VWA2: variants seen among roughly 807,000 people sequenced by gnomAD.
VWA2 encodes von Willebrand factor A domain-containing protein 2.
In VWA2, 73 loss-of-function variants were observed where a neutral mutation model predicts 70.4. That is an observed-to-expected ratio of 1.04 (90% CI 0.86 to 1.26). The LOEUF (loss-of-function observed/expected upper bound fraction) is 1.26, where lower values mean the gene tolerates loss of function less well. Among genes scored for constraint, VWA2 ranks in the 50% most tolerant of loss-of-function variants. VWA2 has a pLI of 0.00. For missense variants in VWA2, 1,011 were observed against 998.5 expected (o/e 1.01, Z -0.17); for synonymous variants, 407 against 423.3 (o/e 0.96, Z 0.47).
intron 4 of VWA2, among the ~76,000 whole-genome samples, chr10:114,259,184 C>T (rs755568272): frequency 4.6e-5 from 7 of 152,118 alleles, no homozygotes; most frequent in Non-Finnish European, 8.8e-5. Context: ...TGTTTCACCC[C>T]GAAAACATTG....
intron 11 of VWA2, among the ~76,000 whole-genome samples, chr10:114,288,637 G>A (rs2039202138): frequency 6.6e-6 from 1 of 152,216 alleles, no homozygotes; most frequent in Non-Finnish European, 1.5e-5. Flanking sequence ...GAAGTGGAAG[G>A]TAAGCAGCTT....
chr10:114,239,862 C>T (rs1190333754), intron 1 of VWA2, among the ~76,000 whole-genome samples: 2 of 152,170 alleles, frequency 1.3e-5, no homozygotes, highest in Non-Finnish European at 2.9e-5. Flanking sequence ...GGGAGGGGTG[C>T]GGTCAGCAGG....
intron 1 of VWA2, among the ~76,000 whole-genome samples, chr10:114,240,543 A>C (rs1386986282): frequency 1.3e-5 from 2 of 152,248 alleles, no homozygotes; most frequent in African/African-American, 4.8e-5. Flanking sequence ...AAGCTGCTTT[A>C]AGTAAAACCC....
intron 8 of VWA2, among the ~76,000 whole-genome samples, chr10:114,282,053 A>G (rs1166206266): frequency 9.3e-6 from 1 of 107,358 alleles, no homozygotes; most frequent in Non-Finnish European, 1.8e-5. Flanking sequence ...TCTGTTACCC[A>G]GGCTGGAGTG....
chr10:114,258,412 T>A (rs981352807), intron 4 of VWA2, among the ~76,000 whole-genome samples: 1 of 152,190 alleles, frequency 6.6e-6, no homozygotes, highest in African/African-American at 2.4e-5. Flanking sequence ...CTGGCTCTAA[T>A]GTAGTGACTG....
chr10:114,291,300 C>T lies in VWA2; in HGVS notation c.*63C>T. 6.6e-7 allele frequency: 1 copy of T among 1,510,968 alleles called. No homozygotes were observed. The highest frequency in any genetic ancestry group is 1.3e-5 in the South Asian group (1 of 78,172). The allele number at this position is 1,510,968 out of a possible 1,614,324, so 93.6% of individuals were successfully genotyped here. ...CCCTCCCAGCAACTACAGAGAAGGC[C>T]TGGGCACTGAAATGGTGCCTACCTT... On this transcript the variant is annotated 3_prime_UTR_variant, in exon 14 of 14. Coordinates refer to ENST00000392982, the MANE Select transcript of VWA2 (RefSeq NM_001272046.2).
intron 4 of VWA2, among the ~76,000 whole-genome samples, chr10:114,259,839 A>G (rs572208): frequency 0.2 from 30,207 of 151,964 alleles, 3,391 homozygotes; most frequent in African/African-American, 0.29. Flanking sequence ...CGTCTCCCCA[A>G]TGTGTCCACT....
rs1460480143 is a variant in VWA2, at chr10:114,291,760, T to A, written c.*523T>A. Among the ~76,000 whole-genome samples the A allele has an allele frequency of 6.6e-6, 1 of 152,164 alleles. No individual in the cohort carries two copies. The highest frequency in any genetic ancestry group is 2.4e-5 in the African/African-American group (1 of 41,448). On this transcript the variant is annotated 3_prime_UTR_variant, in exon 14 of 14. Coordinates refer to ENST00000392982, the MANE Select transcript of VWA2 (RefSeq NM_001272046.2). ...CTTCCCCAGAGACATTCTGGATGCA[T>A]TTGCATTGAGTCTGAAAGGGGGCTT...
Position 114,291,202 on chromosome 10 carries a change from TCA to T in VWA2, c.2249-14_2249-13del. 1 of 1,550,436 alleles carries T rather than the reference TCA, an allele frequency of 6.4e-7. No individual in the cohort carries two copies. Among genetic ancestry groups the T allele is most frequent in the Non-Finnish European group, 8.7e-7 (1 of 1,146,898 alleles). ...ATGCAGACACTCCTGTCCTCAGACT[TCA>T]CTTCCTTCCCCAGGATTCTTGAGAC... On this transcript the variant is annotated splice_polypyrimidine_tract_variant and intron_variant, in intron 13 of 13. Transcript: ENST00000392982.
intron 12 of VWA2, chr10:114,289,996 A>G: frequency 3.8e-6 from 1 of 264,272 alleles, no homozygotes; most frequent in South Asian, 8.1e-5. Flanking sequence ...CTGCCTCAAA[A>G]AAAAAAAAAA....
Position 114,278,831 on chromosome 10 carries a change from T to A in VWA2, c.813T>A (p.Ala271=), listed in dbSNP as rs113098480. 7.4e-6 allele frequency: 12 copies of A among 1,613,240 alleles called. No individual in the cohort carries two copies. Among genetic ancestry groups the A allele is most frequent in the African/African-American group, 2.7e-5 (2 of 75,028 alleles). ...RGSRRTLAVL[A]AHCPFYSWKR... Reference sequence around the variant, plus strand: ...CGCGGCGGACCCTTGCGGTGCTGGCTGCACACTGTCCCTTCTACAGGTTTG... The same window carrying A: ...CGCGGCGGACCCTTGCGGTGCTGGCAGCACACTGTCCCTTCTACAGGTTTG... Residue 271 remains alanine, a synonymous_variant, in exon 8 of 14, where the codon GCT becomes GCA. Transcript: ENST00000392982.
In VWA2 at chr10:114,258,478, A is replaced by C. The variant is rs190789897; in HGVS notation, c.262-2708A>C. ...TGGGCGGGCCTGTTTCTGAGCGTAC[A>C]GTAAACTGAAGATAAAAGGCAACTA... On this transcript the variant is annotated intron_variant, in intron 4 of 13. Coordinates refer to ENST00000392982, the MANE Select transcript of VWA2 (RefSeq NM_001272046.2). 1.3e-3 allele frequency among the ~76,000 whole-genome samples: 204 copies of C among 152,348 alleles called. 2 individuals are homozygous for C. Among genetic ancestry groups the C allele is most frequent in the Non-Finnish European group, 4.9e-4 (33 of 68,034 alleles).
chr10:114,242,805 A>G (rs2036997533), intron 1 of VWA2, among the ~76,000 whole-genome samples: 1 of 152,262 alleles, frequency 6.6e-6, no homozygotes, highest in African/African-American at 2.4e-5. Flanking sequence ...TGAAATGAAT[A>G]TATTAAATGT....
At chr10:114,288,592 TCAC>T (rs2039195458) in intron 11 of VWA2, among the ~76,000 whole-genome samples, 1 of 152,064 alleles carries the variant, frequency 6.6e-6, no homozygotes, top group Non-Finnish European at 1.5e-5. Context: ...AGGTCCAAGG[TCAC>T]CATTTCTCAG....
chr10:114,248,548 G>C (rs990360736), intron 1 of VWA2, among the ~76,000 whole-genome samples, 156 bp from the exon 2 acceptor site: 1 of 152,172 alleles, frequency 6.6e-6, no homozygotes, highest in Non-Finnish European at 1.5e-5. Context: ...TCCATGACTT[G>C]GGAATTGGGG....
In VWA2 at chr10:114,289,107, G is replaced by T; in HGVS notation, c.1740G>T (p.Gln580His). 1 of 1,614,146 alleles carries T rather than the reference G, an allele frequency of 6.2e-7. No individual in the cohort carries two copies. The highest frequency in any genetic ancestry group is 8.5e-7 in the Non-Finnish European group (1 of 1,180,036). ...VGLVVYGSQV[Q>H]TAFGLDTKPT... ...TGGTGGTGTATGGCAGCCAGGTGCAGACTGCCTTCGGGCTGGACACCAAAC... is the reference window on the plus strand; with the variant it reads ...TGGTGGTGTATGGCAGCCAGGTGCATACTGCCTTCGGGCTGGACACCAAAC... The change falls in exon 12 of 14, where the codon CAG becomes CAT. Residue 580 changes from glutamine (Q) to histidine (H), a missense_variant. Transcript: ENST00000392982.
chr10:114,286,281 G>C lies in VWA2; in HGVS notation c.1340G>C (p.Arg447Thr), dbSNP rs567914774. 13 of 1,610,668 alleles carry C rather than the reference G, an allele frequency of 8.1e-6. No homozygotes were observed. In the Admixed American group the frequency reaches 1.5e-4, roughly 19 times the overall value. Residue 447 changes from arginine (R) to threonine (T), a missense_variant, in exon 11 of 14, where the codon AGA (arginine) becomes ACA (threonine). Arg to Thr is a moderately conservative substitution (Grantham distance 71, BLOSUM62 -1). Coordinates refer to ENST00000392982, the MANE Select transcript of VWA2 (RefSeq NM_001272046.2). ...ATRTGQDRPR[R>T]VVVLLTESHS... ...AGGACAGGCCAGGACCGGCCACGTA[G>C]AGTGGTGGTTTTGCTCACTGAGTCA...
rs2039582400 is a variant in VWA2 at position 114,291,356 on chromosome 10, T to A, written c.*119T>A. On this transcript the variant is annotated 3_prime_UTR_variant, in exon 14 of 14. Coordinates refer to ENST00000392982, the MANE Select transcript of VWA2 (RefSeq NM_001272046.2). ...ATGTCTGTGCCCCAGGTCCTTAGAA[T>A]GTCTGCTTCCCGCCGTGGCCAGGAC... The A allele has an allele frequency of 8.0e-7, 1 of 1,247,834 alleles. No individual in the cohort carries two copies. The highest frequency in any genetic ancestry group is 1.1e-6 in the Non-Finnish European group (1 of 923,012). The allele number at this position is 1,247,834 out of a possible 1,614,324, so 77.3% of individuals were successfully genotyped here. A position where few individuals can be genotyped will look rare whatever the true frequency, so the allele number is the denominator to read the frequency against.
intron 1 of VWA2, among the ~76,000 whole-genome samples, chr10:114,243,454 A>G (rs2133275786): frequency 6.6e-6 from 1 of 152,326 alleles, no homozygotes; most frequent in East Asian, 1.9e-4. Context: ...AAAGGTTACA[A>G]GGAAGATGAT....
Sources: allele counts gnomAD v4.1 joint callset (sites outside exome capture counted in the v4.1 genomes callset), GRCh38; gene constraint gnomAD v4.1.1; transcripts MANE v1.5; gene names NCBI Gene and HGNC (gene_info 2026-07-23, HGNC 2026-07-21).